MARK4: variants seen among roughly 807,000 people sequenced by gnomAD.
MARK4 encodes MAP/microtubule affinity-regulating kinase 4.
MARK4 carries 19 observed loss-of-function variants against 81.5 expected under a neutral mutation model. The ratio of observed to expected loss-of-function variants is 0.23; its 90% confidence interval spans 0.16 to 0.34. MARK4 has a LOEUF of 0.34. Ranked by LOEUF, MARK4 falls within the 10% of genes least tolerant of loss-of-function variation. The pLI, the probability that MARK4 is intolerant of heterozygous loss-of-function variation, is 1.00. For synonymous variants in MARK4, 436 were observed against 439.0 expected, an observed-to-expected ratio of 0.99 and a Z score of 0.08; for missense variants, 772 against 1,058.8, an observed-to-expected ratio of 0.73 and a Z score of 3.76.
intron 8 of MARK4, among the ~76,000 whole-genome samples, chr19:45,272,396 C>G (rs529210442): frequency 1.5e-4 from 23 of 152,250 alleles, no homozygotes; most frequent in Middle Eastern, 3.4e-3. Context: ...ACCTTGAAAA[C>G]ATTGTGCTAA....
At chr19:45,263,573 C>T (rs991739154) in intron 4 of MARK4, among the ~76,000 whole-genome samples, 2 of 151,904 alleles carry the variant, frequency 1.3e-5, no homozygotes, top group Non-Finnish European at 2.9e-5. Context: ...GAAACTCTGT[C>T]TCTACTGAAA....
chr19:45,288,919 A>G (rs150855508), intron 13 of MARK4, among the ~76,000 whole-genome samples: 277 of 150,854 alleles, frequency 1.8e-3, no homozygotes, highest in African/African-American at 6.4e-3. Context: ...TCCGGCATCT[A>G]CATTCGGTCC....
At chr19:45,278,065 C>A (rs762728322) in intron 9 of MARK4, 23 bp downstream of exon 9, 2 of 1,611,444 alleles carry the variant, frequency 1.2e-6, no homozygotes, top group Non-Finnish European at 1.7e-6. Flanking sequence ...TCACAGCCAG[C>A]GGGAGCCCTT....
rs746291721 is a variant in MARK4, at chr19:45,263,184, G to T, written c.306+18G>T. 1 of 1,611,290 alleles carries T rather than the reference G, an allele frequency of 6.2e-7. No homozygotes were observed. Among genetic ancestry groups the T allele is most frequent in the South Asian group, 1.1e-5 (1 of 90,688 alleles). Reference sequence around the variant, plus strand: ...TGCAGAAGGTGAGGCTGGGGAGACGGGGGAGAGCAGGAGCCAGGCTTCCGG... The same window carrying T: ...TGCAGAAGGTGAGGCTGGGGAGACGTGGGAGAGCAGGAGCCAGGCTTCCGG... On this transcript the variant is annotated intron_variant, in intron 3 of 16. Coordinates refer to ENST00000262891, the MANE Select transcript of MARK4 (RefSeq NM_001199867.2).
At chr19:45,255,542 C>T (rs1467507053) in intron 1 of MARK4, among the ~76,000 whole-genome samples, 13 of 103,962 alleles carry the variant, frequency 1.3e-4, no homozygotes, top group Non-Finnish European at 2.1e-4. Context: ...GCCTGGGCAA[C>T]AAGAGTGAAA....
intron 2 of MARK4, among the ~76,000 whole-genome samples, chr19:45,262,748 T>C (rs1970395984): frequency 6.6e-6 from 1 of 151,966 alleles, no homozygotes; most frequent in Admixed American, 6.6e-5. Context: ...TGGCCCAGAG[T>C]GAGGGCTCTT....
chr19:45,273,590 G>A (rs142794795), intron 8 of MARK4, among the ~76,000 whole-genome samples: 7 of 152,206 alleles, frequency 4.6e-5, no homozygotes, highest in African/African-American at 9.6e-5. Flanking sequence ...CCTTTCATCC[G>A]GAACAGTTCT....
intron 8 of MARK4, among the ~76,000 whole-genome samples, chr19:45,272,362 T>G (rs1568494726): frequency 6.6e-6 from 1 of 152,032 alleles, no homozygotes; most frequent in East Asian, 1.9e-4. Flanking sequence ...AACCCTGCCC[T>G]CGTATATGCT....
intron 13 of MARK4, among the ~76,000 whole-genome samples, chr19:45,289,117 C>T (rs1397465533): frequency 6.6e-6 from 1 of 151,962 alleles, no homozygotes; most frequent in Admixed American, 6.6e-5. Context: ...CTGCCAGGCG[C>T]GGTGGCTCAC....
At chr19:45,277,354 A>G (rs144162447) in intron 8 of MARK4, among the ~76,000 whole-genome samples, 17 of 152,158 alleles carry the variant, frequency 1.1e-4, no homozygotes, top group African/African-American at 4.1e-4. Flanking sequence ...CTGGGATTAC[A>G]GGTGTGAGCC....
intron 12 of MARK4, among the ~76,000 whole-genome samples, chr19:45,283,787 C>T (rs1299883441): frequency 6.6e-6 from 1 of 152,030 alleles, no homozygotes; most frequent in East Asian, 1.9e-4. Context: ...CTCTTGGGTA[C>T]GTATCTGGGA....
intron 9 of MARK4, among the ~76,000 whole-genome samples, 190 bp from the exon 10 acceptor site, chr19:45,278,326 G>T (rs575240718): frequency 3.3e-5 from 5 of 152,236 alleles, no homozygotes; most frequent in African/African-American, 1.2e-4. Flanking sequence ...ATGATGCGGA[G>T]GAGGGAGGGT....
At chr19:45,251,788 G>A (rs940974701) in intron 1 of MARK4, 149 bp downstream of exon 1, 10 of 690,154 alleles carry the variant, frequency 1.4e-5, no homozygotes, top group Non-Finnish European at 2.1e-5. Context: ...GGACTTCCAG[G>A]CCTCTCCACC....
intron 1 of MARK4, among the ~76,000 whole-genome samples, chr19:45,251,876 C>A (rs1024793058): frequency 6.6e-6 from 1 of 151,986 alleles, no homozygotes; most frequent in Non-Finnish European, 1.5e-5. Flanking sequence ...CCGTGCAGAC[C>A]GCTTCCGCTC....
At chr19:45,298,472 A>G (rs147172659) in intron 15 of MARK4, among the ~76,000 whole-genome samples, 1 of 152,312 alleles carries the variant, frequency 6.6e-6, no homozygotes, top group Non-Finnish European at 1.5e-5. Flanking sequence ...TAAAATGGGT[A>G]TAGTAATAAC....
intron 14 of MARK4, among the ~76,000 whole-genome samples, chr19:45,296,385 A>T (rs1205932091): frequency 6.6e-6 from 1 of 152,268 alleles, no homozygotes; most frequent in Non-Finnish European, 1.5e-5. Flanking sequence ...TCCAGCCCCA[A>T]AATGAGTTTC....
At position 45,251,395 on chromosome 19, in the gene MARK4, G is replaced by C; in HGVS notation, c.-194G>C. 1 of 263,188 alleles carries C rather than the reference G, an allele frequency of 3.8e-6. No individual in the cohort carries two copies. Among genetic ancestry groups the C allele is most frequent in the Non-Finnish European group, 7.2e-6 (1 of 138,014 alleles). 16.3% of individuals were successfully genotyped at this position (263,188 alleles called of 1,614,324 possible). A position where few individuals can be genotyped will look rare whatever the true frequency, so the allele number is the denominator to read the frequency against. On this transcript the variant is annotated 5_prime_UTR_variant, in exon 1 of 17. Coordinates refer to ENST00000262891, the MANE Select transcript of MARK4 (RefSeq NM_001199867.2). ...TGGCGCCCGGGGTCCCCGCTGCACG[G>C]GGCCACTAGGACCCTCGGCGTCCCT...
chr19:45,284,329 T>C (rs1015172652), intron 12 of MARK4, among the ~76,000 whole-genome samples: 1 of 151,244 alleles, frequency 6.6e-6, no homozygotes, highest in African/African-American at 2.4e-5. Context: ...TCTTTTCTTT[T>C]TTTTTTTTTT....
At chr19:45,285,054 G>A (rs1040632220) in intron 12 of MARK4, among the ~76,000 whole-genome samples, 3 of 152,178 alleles carry the variant, frequency 2.0e-5, no homozygotes, top group South Asian at 2.1e-4. Context: ...TTGTGCCATT[G>A]CACTTCAGCC....
Sources: allele counts gnomAD v4.1 joint callset (sites outside exome capture counted in the v4.1 genomes callset), GRCh38; gene constraint gnomAD v4.1.1; transcripts MANE v1.5; gene names NCBI Gene and HGNC (gene_info 2026-07-23, HGNC 2026-07-21).